The following SLC44A1 variants were observed in gnomAD, a reference collection of about 807,000 sequenced individuals.
The protein encoded by SLC44A1 is solute carrier family 44 member 1.
In SLC44A1, 26 loss-of-function variants were observed where a neutral mutation model predicts 79.3. The observed-to-expected ratio is 0.33, with a 90% CI of 0.24 to 0.46. The LOEUF is 0.46. Among genes scored for constraint, SLC44A1 ranks in the 20% least tolerant of loss-of-function variants. The probability of loss-of-function intolerance (pLI) is 1.00; values close to 1 mark genes in which losing one functional copy is unlikely to be tolerated. For synonymous variants in SLC44A1, 263 were observed against 286.2 expected, an observed-to-expected ratio of 0.92 and a Z score of 0.82; for missense variants, 688 against 798.1, an observed-to-expected ratio of 0.86 and a Z score of 1.66.
At chr9:105,291,917 A>C (rs141843919) in intron 1 of SLC44A1, among the ~76,000 whole-genome samples, 133 of 152,312 alleles carry the variant, frequency 8.7e-4, no homozygotes, top group African/African-American at 2.9e-3. Context: ...TCTAAGCTTC[A>C]GTACTTTGTT....
In SLC44A1 at chr9:105,395,749, G is replaced by T. The variant is rs2131492157; in HGVS notation, c.*6693G>T. The T allele has an allele frequency of 2.0e-6, 2 of 984,980 alleles. No individual in the cohort carries two copies. The highest frequency in any genetic ancestry group is 1.0e-3 in the Middle Eastern group (2 of 1,910). The allele number at this position is 984,980 out of a possible 1,614,324, so 61.0% of individuals were successfully genotyped here. A position where few individuals can be genotyped will look rare whatever the true frequency, so the allele number is the denominator to read the frequency against. ...TTGAACTGTCGTTTCAGGAGCATGTGTTAAATCATATGAGTAAAAAAAAAG... is the reference window on the plus strand; with the variant it reads ...TTGAACTGTCGTTTCAGGAGCATGTTTTAAATCATATGAGTAAAAAAAAAG... On this transcript the variant is annotated 3_prime_UTR_variant, in exon 16 of 16. Transcript: ENST00000374720.
At chr9:105,354,589 C>T (rs1827561592) in intron 5 of SLC44A1, among the ~76,000 whole-genome samples, 1 of 152,144 alleles carries the variant, frequency 6.6e-6, no homozygotes, top group Admixed American at 6.5e-5. Flanking sequence ...GACACAAATA[C>T]ACAGGGATGC....
chr9:105,259,850 T>G (rs747042456), intron 1 of SLC44A1, among the ~76,000 whole-genome samples: 25 of 152,216 alleles, frequency 1.6e-4, no homozygotes, highest in Admixed American at 6.5e-4. Flanking sequence ...TGAAAGCAAT[T>G]CTAGTTTGCT....
At chr9:105,405,461 TAAAG>T (rs1464240146) in intron 15 of SLC44A1, among the ~76,000 whole-genome samples, 1 of 152,136 alleles carries the variant, frequency 6.6e-6, no homozygotes, top group African/African-American at 2.4e-5. Context: ...TAGAATCTAA[TAAAG>T]AACTTACACA....
intron 3 of SLC44A1, among the ~76,000 whole-genome samples, chr9:105,318,853 T>C (rs752814230): frequency 3.3e-5 from 5 of 151,994 alleles, no homozygotes; most frequent in African/African-American, 1.2e-4. Context: ...GAAGGGATGA[T>C]TGGTTTTTCT....
chr9:105,287,993 T>C lies in SLC44A1; in HGVS notation c.37-11227T>C, dbSNP rs146542872. ...AAATGGGAGCATATATTATATATAA[T>C]GTATGTTATTTCTTTCATAATTAAA... On this transcript the variant is annotated intron_variant, in intron 1 of 15. Coordinates refer to ENST00000374720, the MANE Select transcript of SLC44A1 (RefSeq NM_080546.5). 4.8e-3 allele frequency among the ~76,000 whole-genome samples: 725 copies of C among 152,342 alleles called. 9 individuals are homozygous for C. The highest frequency in any genetic ancestry group is 0.017 in the African/African-American group (688 of 41,570).
intron 1 of SLC44A1, among the ~76,000 whole-genome samples, chr9:105,275,089 G>A (rs1384828095): frequency 6.6e-6 from 1 of 152,190 alleles, no homozygotes; most frequent in Non-Finnish European, 1.5e-5. Flanking sequence ...TTTGAAGTCA[G>A]TTTGAAAAAT....
At chr9:105,293,136 G>A (rs1298790417) in intron 1 of SLC44A1, among the ~76,000 whole-genome samples, 7 of 152,282 alleles carry the variant, frequency 4.6e-5, no homozygotes. Flanking sequence ...CAGCCTGGGT[G>A]AGTGAGCAAG....
chr9:105,309,523 G>A (rs1426412466), intron 2 of SLC44A1, among the ~76,000 whole-genome samples: 1 of 152,066 alleles, frequency 6.6e-6, no homozygotes, highest in Non-Finnish European at 1.5e-5. Flanking sequence ...GTTTTGTTAT[G>A]GTAGTAAATA....
intron 14 of SLC44A1, among the ~76,000 whole-genome samples, chr9:105,384,433 G>A (rs868835536): frequency 5.3e-5 from 8 of 152,014 alleles, no homozygotes; most frequent in African/African-American, 7.3e-5. Context: ...TGCCTGCCTC[G>A]GCCTTCCAAA....
chr9:105,412,215 A>G lies in SLC44A1; in HGVS notation c.1951-26066A>G, dbSNP rs573315416. ...TTAATTAGTCATCAAATACATATTT[A>G]TTTGTTGAATAAATATTGATTATTC... On this transcript the variant is annotated intron_variant, in intron 15 of 15. Transcript: ENST00000374724. Among the ~76,000 whole-genome samples, 199 of 152,360 alleles carry G rather than the reference A, an allele frequency of 1.3e-3. 1 individual carries two copies. The highest frequency in any genetic ancestry group is 2.5e-3 in the Non-Finnish European group (169 of 68,032).
chr9:105,420,387 A>T (rs1322794354), intron 15 of SLC44A1, among the ~76,000 whole-genome samples: 1 of 152,064 alleles, frequency 6.6e-6, no homozygotes, highest in Non-Finnish European at 1.5e-5. Context: ...TTAAAGTTAC[A>T]AACACTCTTT....
At chr9:105,354,151 C>G (rs1455199117) in intron 5 of SLC44A1, among the ~76,000 whole-genome samples, 2 of 145,106 alleles carry the variant, frequency 1.4e-5, no homozygotes, top group South Asian at 2.2e-4. Flanking sequence ...CCCGGGTTCA[C>G]GCCATTCTCC....
At chr9:105,261,784 T>C (rs1407463629) in intron 1 of SLC44A1, among the ~76,000 whole-genome samples, 1 of 145,856 alleles carries the variant, frequency 6.9e-6, no homozygotes, top group Non-Finnish European at 1.5e-5. Context: ...TCTTTTTTTT[T>C]TTTTTTTTTT....
intron 12 of SLC44A1, among the ~76,000 whole-genome samples, chr9:105,371,527 C>T (rs886575142): frequency 6.6e-6 from 1 of 151,614 alleles, no homozygotes; most frequent in Non-Finnish European, 1.5e-5. Context: ...GCCAGGAGAT[C>T]GAGACCATCC....
In SLC44A1 at chr9:105,394,334, C is replaced by T; in HGVS notation, c.*5278C>T. ...GTAGCAGGTTAGGGAATAGAAACCA[C>T]ACTAATCTGAAGGAATAACAAGATG... is the stretch of plus-strand genomic sequence containing the variant. On this transcript the variant is annotated 3_prime_UTR_variant, in exon 16 of 16. Transcript: ENST00000374720. 1 of 985,282 alleles carries T rather than the reference C, an allele frequency of 1.0e-6. No individual in the cohort carries two copies. Among genetic ancestry groups the T allele is most frequent in the Non-Finnish European group, 1.2e-6 (1 of 829,908 alleles). The allele number at this position is 985,282 out of a possible 1,614,324, so 61.0% of individuals were successfully genotyped here.
intron 3 of SLC44A1, among the ~76,000 whole-genome samples, chr9:105,331,649 G>A (rs12683101): frequency 1.3e-5 from 2 of 152,194 alleles, no homozygotes; most frequent in African/African-American, 2.4e-5. Flanking sequence ...ATATGAATTA[G>A]TTAAAGTATA....
chr9:105,340,132 T>C (rs1827042773), intron 4 of SLC44A1, among the ~76,000 whole-genome samples: 1 of 152,220 alleles, frequency 6.6e-6, no homozygotes, highest in Non-Finnish European at 1.5e-5. Context: ...AATATGCATA[T>C]AGTTAATAGT....
chr9:105,311,111 T>C (rs1410844587), intron 3 of SLC44A1, among the ~76,000 whole-genome samples: 1 of 152,190 alleles, frequency 6.6e-6, no homozygotes, highest in Admixed American at 6.5e-5. Context: ...TTGTTACATT[T>C]CTTCTTCTTT....
Sources: gnomAD v4.1 joint callset for allele counts (sites outside exome capture counted in the v4.1 genomes callset) on GRCh38, gnomAD v4.1.1 for gene constraint, MANE v1.5 for transcripts, NCBI Gene and HGNC (gene_info 2026-07-23, HGNC 2026-07-21) for gene names.